The following SLC25A46 variants were observed in gnomAD, a reference collection of about 807,000 sequenced individuals.
SLC25A46 encodes the protein solute carrier family 25 member 46, also known as mitochondrial outer membrane protein SLC25A46.
A neutral mutation model predicts 44.6 loss-of-function variants in SLC25A46; 39 were observed. The observed-to-expected ratio is 0.87, with a 90% CI of 0.68 to 1.14. The LOEUF (loss-of-function observed/expected upper bound fraction) is 1.14. Ranked by LOEUF, SLC25A46 falls within the 50% of genes most tolerant of loss-of-function variation. The probability of loss-of-function intolerance (pLI) is 0.00; values close to 1 mark genes in which losing one functional copy is unlikely to be tolerated. For missense variants in SLC25A46, 547 were observed against 522.7 expected (o/e 1.05, Z -0.45); for synonymous variants, 202 against 185.8 (o/e 1.09, Z -0.71).
chr5:110,742,481 A>G (rs887114670), intron 2 of SLC25A46, among the ~76,000 whole-genome samples: 3 of 152,124 alleles, frequency 2.0e-5, no homozygotes, highest in Non-Finnish European at 4.4e-5. Context: ...CATTTTCTGA[A>G]AGAAAAATTA....
In SLC25A46 at chr5:110,742,103, T is replaced by TA; in HGVS notation, c.326+17dup. 3 of 1,538,120 alleles carry TA rather than the reference T, an allele frequency of 2.0e-6. No individual in the cohort carries two copies. Among genetic ancestry groups the TA allele is most frequent in the Non-Finnish European group, 2.6e-6 (3 of 1,135,630 alleles). ...TGGACTTGCAAGGTAATGTTTTATCTAAAGACGTTTACAGCTTTTATTTAT... is the reference window on the plus strand; with the variant it reads ...TGGACTTGCAAGGTAATGTTTTATCTAAAAGACGTTTACAGCTTTTATTTAT... On this transcript the variant is annotated intron_variant, in intron 2 of 7. Transcript: ENST00000355943.
intron 7 of SLC25A46, among the ~76,000 whole-genome samples, chr5:110,759,270 TA>T (rs1441171317): frequency 1.3e-5 from 2 of 152,160 alleles, no homozygotes; most frequent in Non-Finnish European, 2.9e-5. Flanking sequence ...GGGCGGTTAA[TA>T]TTTTTTTAAG....
intron 3 of SLC25A46, 25 bp from the exon 4 acceptor site, chr5:110,746,244 A>C (rs1450163675): frequency 6.6e-7 from 1 of 1,517,348 alleles, no homozygotes; most frequent in African/African-American, 1.4e-5. Context: ...TAACAGAAAA[A>C]AATAATGAAA....
At position 110,762,104 on chromosome 5, in the gene SLC25A46, A is replaced by C. The variant is rs1580871544; in HGVS notation, c.*322A>C. 4.4e-6 allele frequency: 1 copy of C among 228,976 alleles called. No individual in the cohort carries two copies. The highest frequency in any genetic ancestry group is 1.1e-4 in the East Asian group (1 of 9,052). The allele number at this position is 228,976 out of a possible 1,614,324, so 14.2% of individuals were successfully genotyped here. On this transcript the variant is annotated 3_prime_UTR_variant, in exon 8 of 8. Transcript: ENST00000355943. ...CTAAAACAAAACTTTATAGAGTTGAATCTATTCCATCTGACTTCAATATTT... is the reference window on the plus strand; with the variant it reads ...CTAAAACAAAACTTTATAGAGTTGACTCTATTCCATCTGACTTCAATATTT...
At chr5:110,757,458 T>A (rs1164192265) in intron 7 of SLC25A46, among the ~76,000 whole-genome samples, 1 of 152,154 alleles carries the variant, frequency 6.6e-6, no homozygotes, top group African/African-American at 2.4e-5. Context: ...CATCAGATCC[T>A]CTAGCATATT....
chr5:110,757,594 T>G (rs1356520535), intron 7 of SLC25A46, among the ~76,000 whole-genome samples: 3 of 152,028 alleles, frequency 2.0e-5, no homozygotes, highest in East Asian at 3.9e-4. Flanking sequence ...GATTTATGAT[T>G]ATTATTATTA....
At chr5:110,748,587 A>G (rs1254697695) in intron 5 of SLC25A46, among the ~76,000 whole-genome samples, 1 of 152,188 alleles carries the variant, frequency 6.6e-6, no homozygotes, top group Non-Finnish European at 1.5e-5. Flanking sequence ...TATGTGATAA[A>G]GAAAATGTGT....
rs754696361 is a variant in SLC25A46, at chr5:110,756,699, T to C, written c.621-3T>C. ...ACTGATAAATTTGTTTTAATTTCTA[T>C]AGCCTAACTTACGTGGTGGCAATGC... On this transcript the variant is annotated splice_region_variant and splice_polypyrimidine_tract_variant and intron_variant, in intron 6 of 7. Transcript: ENST00000355943. 2 of 1,572,566 alleles carry C rather than the reference T, an allele frequency of 1.3e-6. No individual in the cohort carries two copies. Among genetic ancestry groups the C allele is most frequent in the African/African-American group, 1.4e-5 (1 of 72,412 alleles).
intron 3 of SLC25A46, among the ~76,000 whole-genome samples, chr5:110,744,658 C>T (rs549094466): frequency 6.6e-6 from 1 of 152,268 alleles, no homozygotes; most frequent in Non-Finnish European, 1.5e-5. Flanking sequence ...AAAATTCAAA[C>T]TTATCATTGA....
Position 110,743,051 on chromosome 5 carries a change from A to G in SLC25A46, c.327-679A>G, listed in dbSNP as rs148937754. On this transcript the variant is annotated intron_variant, in intron 2 of 7. Coordinates refer to ENST00000355943, the MANE Select transcript of SLC25A46 (RefSeq NM_138773.4). ...TCTGCTGGAGTTGTTTTTTGCTTCA[A>G]TATTTATACTTAAAGCTTTGATTCA... is the stretch of plus-strand genomic sequence containing the variant. 7.8e-3 allele frequency among the ~76,000 whole-genome samples: 1,187 copies of G among 152,090 alleles called. 10 individuals carry two copies. Among genetic ancestry groups the G allele is most frequent in the Non-Finnish European group, 8.9e-3 (602 of 67,880 alleles).
rs1363981699 is a variant in SLC25A46 at position 110,761,333 on chromosome 5, C to G, written c.808C>G (p.Leu270Val). Reference sequence around the variant, plus strand: ...TCTTTCCTTGATCTTCCCTACGGTGCTTCATGGAGTTCTTCATTACATCAT... The same window carrying G: ...TCTTTCCTTGATCTTCCCTACGGTGGTTCATGGAGTTCTTCATTACATCAT... ...PLLSLIFPTVLHGVLHYIISS... is the reference protein window; with the variant it reads ...PLLSLIFPTVVHGVLHYIISS... The change falls in exon 8 of 8, where the codon CTT becomes GTT. Residue 270 changes from leucine (L) to valine (V), a missense_variant. Transcript: ENST00000355943. The surrounding 1 kb of genome is among the most constrained non-coding windows in gnomAD (Gnocchi z 5.3). 1 of 1,613,652 alleles carries G rather than the reference C, an allele frequency of 6.2e-7. No homozygotes were observed. The highest frequency in any genetic ancestry group is 1.3e-5 in the African/African-American group (1 of 74,908).
At chr5:110,756,638 A>G in intron 6 of SLC25A46, 64 bp from the exon 7 acceptor site, 1 of 1,088,848 alleles carries the variant, frequency 9.2e-7, no homozygotes, top group Non-Finnish European at 1.3e-6. Flanking sequence ...TAAAGCAGAT[A>G]TTAAAAAATT....
chr5:110,756,508 T>C (rs1348855215), intron 6 of SLC25A46, among the ~76,000 whole-genome samples, 194 bp from the exon 7 acceptor site: 1 of 152,168 alleles, frequency 6.6e-6, no homozygotes, highest in Admixed American at 6.6e-5. Context: ...TTTTCATCTC[T>C]GTTGAATAAA....
At chr5:110,751,784 G>A (rs1167473645) in intron 5 of SLC25A46, among the ~76,000 whole-genome samples, 6 of 152,174 alleles carry the variant, frequency 3.9e-5, no homozygotes, top group African/African-American at 9.7e-5. Flanking sequence ...TCAAACTGAG[G>A]GAATTTGGTG....
chr5:110,740,963 A>G (rs563791764), intron 1 of SLC25A46, among the ~76,000 whole-genome samples: 2 of 152,210 alleles, frequency 1.3e-5, no homozygotes, highest in African/African-American at 2.4e-5. Flanking sequence ...AAACAAACAA[A>G]AAAAGGTAAA....
At chr5:110,759,483 T>G (rs369162804) in intron 7 of SLC25A46, among the ~76,000 whole-genome samples, 118 of 152,012 alleles carry the variant, frequency 7.8e-4, no homozygotes, top group African/African-American at 2.7e-3. Context: ...TAAGCAAATG[T>G]TGAATTGTAT....
Position 110,763,122 on chromosome 5 carries a change from G to C in SLC25A46, c.*1340G>C, listed in dbSNP as rs1012364854. ...GGTTAAGCACTTTGTGTAGTAAAAT[G>C]ATATGTGTCTGCTCTATCATTAGAC... is the stretch of plus-strand genomic sequence containing the variant. On this transcript the variant is annotated 3_prime_UTR_variant, in exon 8 of 8. Coordinates refer to ENST00000355943, the MANE Select transcript of SLC25A46 (RefSeq NM_138773.4). 2.0e-5 allele frequency: 3 copies of C among 151,870 alleles called. No homozygotes were observed. Among genetic ancestry groups the C allele is most frequent in the Non-Finnish European group, 4.4e-5 (3 of 67,888 alleles). 9.4% of individuals were successfully genotyped at this position (151,870 alleles called of 1,614,324 possible).
chr5:110,741,760 A>G (rs1174156034), intron 1 of SLC25A46: 2 of 249,820 alleles, frequency 8.0e-6, no homozygotes, highest in Non-Finnish European at 1.5e-5. Context: ...AAAAAATTAC[A>G]ACTTCAAAAC....
intron 5 of SLC25A46, chr5:110,753,158 T>TA (rs1800011160): frequency 6.6e-6 from 1 of 152,168 alleles, no homozygotes; most frequent in Non-Finnish European, 1.5e-5. Flanking sequence ...AGAGCTGTTT[T>TA]TGTTCAAAAC....
Sources: gnomAD v4.1 joint callset for allele counts (sites outside exome capture counted in the v4.1 genomes callset) on GRCh38, gnomAD v4.1.1 for gene constraint, Gnocchi (gnomAD v3.1) non-coding constraint, MANE v1.5 for transcripts, NCBI Gene and HGNC (gene_info 2026-07-23, HGNC 2026-07-21) for gene names.